Variants in NUP210 observed in about 807,000 individuals in gnomAD.
NUP210 encodes nucleoporin 210.
NUP210 carries 151 observed loss-of-function variants against 196.0 expected under a neutral mutation model. That is an observed-to-expected ratio of 0.77 (90% CI 0.67 to 0.88). The LOEUF (loss-of-function observed/expected upper bound fraction) is 0.88. NUP210 is among the 40% of genes least tolerant of loss of function. The pLI is 0.00. For synonymous variants in NUP210, 1,070 were observed against 1,052.7 expected (o/e 1.02, Z -0.32); for missense variants, 2,314 against 2,493.7 (o/e 0.93, Z 1.53).
chr3:13,326,055 A>T (rs1011862467), intron 32 of NUP210, 124 bp from the exon 33 acceptor site: 2 of 1,284,042 alleles, frequency 1.6e-6, no homozygotes, highest in East Asian at 4.8e-5. Context: ...GGGCTCACTC[A>T]GCAGCCTCAG....
At chr3:13,367,224 G>T (rs113943728) in intron 13 of NUP210, among the ~76,000 whole-genome samples, 1 of 152,074 alleles carries the variant, frequency 6.6e-6, no homozygotes, top group African/African-American at 2.4e-5. Flanking sequence ...ATCACCTGAG[G>T]TCGGGAGTTT....
At chr3:13,386,239 G>C (rs1576407444) in intron 6 of NUP210, 36 bp downstream of exon 6, 1 of 1,581,560 alleles carries the variant, frequency 6.3e-7, no homozygotes, top group South Asian at 1.2e-5. Flanking sequence ...AAGGAGGAAG[G>C]AAGCATCTGT....
At position 13,317,589 on chromosome 3, in the gene NUP210, G is replaced by T; in HGVS notation, c.*92C>A. 1.1e-6 allele frequency: 1 copy of T among 947,858 alleles called. No homozygotes were observed. Among genetic ancestry groups the T allele is most frequent in the Admixed American group, 2.0e-5 (1 of 50,138 alleles). 58.7% of individuals were successfully genotyped at this position (947,858 alleles called of 1,614,324 possible). ...TGGGGCCGGGGCACTCATCTGGAGG[G>T]GCTTGTTCCAGTGTGAATGCAGCAG... On this transcript the variant is annotated 3_prime_UTR_variant, in exon 40 of 40. Transcript: ENST00000254508.
In NUP210 at chr3:13,391,498, G is replaced by A. The variant is rs976443141; in HGVS notation, c.437-191C>T. Among the ~76,000 whole-genome samples the A allele has an allele frequency of 7.9e-5, 12 of 151,698 alleles. 1 individual carries two copies. The highest frequency in any genetic ancestry group is 6.6e-4 in the Admixed American group (10 of 15,222). ...AATGAAGACACTTACTCATGGTCAT[G>A]TGACCACCAGGGGGCGAGGCCAGAA... is the stretch of plus-strand genomic sequence containing the variant. On this transcript the variant is annotated intron_variant, in intron 3 of 39. Coordinates refer to ENST00000254508, the MANE Select transcript of NUP210 (RefSeq NM_024923.4).
intron 13 of NUP210, among the ~76,000 whole-genome samples, chr3:13,371,264 C>T (rs73148087): frequency 0.034 from 5,183 of 152,308 alleles, 124 homozygotes; most frequent in Middle Eastern, 0.075. Context: ...GCTACAGCTA[C>T]ACAGCCTCAG....
Position 13,332,369 on chromosome 3 carries a change from G to A in NUP210, c.3859C>T (p.Gln1287Ter). Residue 1287 changes from glutamine (Q) to a stop codon, truncating the protein, a stop_gained, in exon 29 of 40, where the codon CAG (glutamine) becomes TAG (stop). Transcript: ENST00000254508. LOFTEE classifies it high-confidence loss of function. ...EIQVQVFEKL[Q>*]LLNPEIEAEQ... ...GCTTCTATTTCAGGGTTGAGCAGCT[G>A]CAGCTTCTCAAACACCTGCAAGAGA... is the stretch of plus-strand genomic sequence containing the variant. 1.2e-6 allele frequency: 2 copies of A among 1,613,322 alleles called. No homozygotes were observed. The highest frequency in any genetic ancestry group is 1.7e-6 in the Non-Finnish European group (2 of 1,179,612).
In NUP210 at chr3:13,391,258, C is replaced by A; in HGVS notation, c.486G>T (p.Val162=). Residue 162 remains valine (V), a synonymous_variant, in exon 4 of 40, where the codon GTG becomes GTT. Transcript: ENST00000254508. Reference sequence around the variant, plus strand: ...AGAACCTGTCCGCCTCGGAGTCCTTCACAATCGTCCACTCGAAGACCAGTC... The same window carrying A: ...AGAACCTGTCCGCCTCGGAGTCCTTAACAATCGTCCACTCGAAGACCAGTC... ...LAGLVFEWTI[V]KDSEADRFSD... The A allele has an allele frequency of 6.2e-7, 1 of 1,612,498 alleles. No individual in the cohort carries two copies. The highest frequency in any genetic ancestry group is 8.5e-7 in the Non-Finnish European group (1 of 1,179,422).
rs774471860 is a variant in NUP210, at chr3:13,319,152, T to C, written c.5483A>G (p.Tyr1828Cys). The C allele has an allele frequency of 4.3e-6, 7 of 1,611,056 alleles. No homozygotes were observed. Among genetic ancestry groups the C allele is most frequent in the Non-Finnish European group, 5.9e-6 (7 of 1,178,696 alleles). The change falls in exon 39 of 40, where the codon TAC becomes TGC. Residue 1828 changes from tyrosine to cysteine, a missense_variant. Coordinates refer to ENST00000254508, the MANE Select transcript of NUP210 (RefSeq NM_024923.4). ...ATCCCGGGGCGTGCAGACAGTGTGG[T>C]AGGCTGCAAGAGCACAGGGTTGGTT... ...LAGTAVMIIAYHTVCTPRDLA... is the reference protein window; with the variant it reads ...LAGTAVMIIACHTVCTPRDLA...
Position 13,416,147 on chromosome 3 carries a change from G to A in NUP210, c.167+3913C>T, listed in dbSNP as rs372916535. ...ATCCTTACACCTGTGACTGAGAAGT[G>A]CCCCAGACCACATAAGAGAGGGTGT... On this transcript the variant is annotated intron_variant, in intron 1 of 39. Coordinates refer to ENST00000254508, the MANE Select transcript of NUP210 (RefSeq NM_024923.4). Among the ~76,000 whole-genome samples, 24 of 152,302 alleles carry A rather than the reference G, an allele frequency of 1.6e-4. No individual in the cohort carries two copies. In the South Asian group the frequency reaches 5.0e-3, roughly 32 times the overall value.
rs758187644 is a variant in NUP210, at chr3:13,319,194, G to A, written c.5479+36C>T. ...GGGTTGGTTAGAGCAGGTCGGGGCA[G>A]GGGAACAGACCCAGAGATACAGGCA... On this transcript the variant is annotated intron_variant, in intron 38 of 39. Transcript: ENST00000254508. 2.5e-6 allele frequency: 4 copies of A among 1,611,298 alleles called. No homozygotes were observed. In the East Asian group the frequency reaches 8.9e-5, roughly 36 times the overall value.
intron 15 of NUP210, among the ~76,000 whole-genome samples, chr3:13,358,966 T>A (rs571253099): frequency 6.6e-4 from 101 of 152,342 alleles, no homozygotes; most frequent in Non-Finnish European, 1.3e-3. Flanking sequence ...GAGGGAAACC[T>A]GTCTGCCTGG....
intron 28 of NUP210, 127 bp from the exon 29 acceptor site, chr3:13,332,511 G>C (rs528104400): frequency 5.7e-6 from 4 of 706,664 alleles, no homozygotes; most frequent in Non-Finnish European, 1.0e-5. Flanking sequence ...TTTCTCGTCT[G>C]TCAGGTCACT....
At chr3:13,412,666 A>G (rs1700216406) in intron 1 of NUP210, among the ~76,000 whole-genome samples, 1 of 151,636 alleles carries the variant, frequency 6.6e-6, no homozygotes, top group Admixed American at 6.6e-5. Flanking sequence ...GTGAGCCAAG[A>G]TCTTGCCACT....
chr3:13,334,765 G>T (rs1293268662), intron 28 of NUP210, among the ~76,000 whole-genome samples: 2 of 152,218 alleles, frequency 1.3e-5, no homozygotes, highest in African/African-American at 4.8e-5. Context: ...CTCGCCCACA[G>T]CCCATCCTAT....
intron 34 of NUP210, 111 bp from the exon 35 acceptor site, chr3:13,322,450 G>T: frequency 1.6e-6 from 2 of 1,230,020 alleles, no homozygotes; most frequent in South Asian, 1.4e-5. Context: ...GCCCCTGCAT[G>T]TCTTCCAGCA....
At position 13,360,350 on chromosome 3, in the gene NUP210, G is replaced by A; in HGVS notation, c.2074C>T (p.Leu692=). 1 of 1,614,216 alleles carries A rather than the reference G, an allele frequency of 6.2e-7. No individual in the cohort carries two copies. The highest frequency in any genetic ancestry group is 1.1e-5 in the South Asian group (1 of 91,084). ...VTAEDTDSIG[L]ALFAPHSSRN... ...GAGGAATGGGGGGCAAAGAGAGCCA[G>A]GCCGATGCTGTCAGTGTCCTCAGCG... Residue 692 remains leucine (L), a synonymous_variant, in exon 15 of 40, where the codon CTG becomes TTG. Coordinates refer to ENST00000254508, the MANE Select transcript of NUP210 (RefSeq NM_024923.4).
rs748414420 is a variant in NUP210 at position 13,319,790 on chromosome 3, C to CA, written c.5355dup (p.Val1786CysfsTer155). 6.2e-7 allele frequency: 1 copy of CA among 1,614,210 alleles called. No homozygotes were observed. The highest frequency in any genetic ancestry group is 8.5e-7 in the Non-Finnish European group (1 of 1,180,038). On this transcript the variant is annotated frameshift_variant, in exon 37 of 40. Coordinates refer to ENST00000254508, the MANE Select transcript of NUP210 (RefSeq NM_024923.4). LOFTEE classifies it high-confidence loss of function. ...GGACCGGGCCCACGGCGATCCACCA[C>CA]AAAAGCCACTGTCACTGGGATGGCA...
intron 1 of NUP210, among the ~76,000 whole-genome samples, chr3:13,417,519 C>T (rs913808564): frequency 6.6e-6 from 1 of 152,090 alleles, no homozygotes; most frequent in Non-Finnish European, 1.5e-5. Context: ...AATGTTCCTC[C>T]CAGGTTTAGA....
rs762924843 is a variant in NUP210, at chr3:13,375,529, G to A, written c.1406C>T (p.Thr469Met). The stretch of plus-strand genomic sequence containing the variant: ...CCTTATTGTGTACTGATAGGCGCCC[G>A]TCTTTGGTTGCCACGGAAATGTCAA... The part of the protein sequence containing the change: ...SILTFPWQPK[T>M]GAYQYTIRAH... Residue 469 changes from threonine to methionine, a missense_variant, in exon 11 of 40, where the codon ACG (threonine) becomes ATG (methionine). Physicochemically the swap from Thr to Met is moderately conservative, Grantham distance 81 (BLOSUM62 -1). Transcript: ENST00000254508. 2.5e-6 allele frequency: 4 copies of A among 1,614,102 alleles called. No individual in the cohort carries two copies. The highest frequency in any genetic ancestry group is 3.4e-6 in the Non-Finnish European group (4 of 1,180,002).
Sources: gnomAD v4.1 joint callset for allele counts (sites outside exome capture counted in the v4.1 genomes callset) on GRCh38, gnomAD v4.1.1 for gene constraint, MANE v1.5 for transcripts, NCBI Gene and HGNC (gene_info 2026-07-23, HGNC 2026-07-21) for gene names.